The following BRINP3 variants were observed in gnomAD, a reference collection of about 807,000 sequenced individuals.
The protein encoded by BRINP3 is BMP/retinoic acid inducible neural specific 3.
Under a neutral mutation model 71.0 loss-of-function variants are expected in BRINP3, and 19 were observed. The observed-to-expected ratio is 0.27, with a 90% CI of 0.19 to 0.39. BRINP3 has a LOEUF of 0.39. Among genes scored for constraint, BRINP3 ranks in the 10% least tolerant of loss-of-function variants. The pLI is 1.00. For missense variants in BRINP3, 959 were observed against 940.8 expected, an observed-to-expected ratio of 1.02 and a Z score of -0.25; for synonymous variants, 380 against 337.7, an observed-to-expected ratio of 1.13 and a Z score of -1.37.
At chr1:190,361,431 T>G (rs538435791) in intron 2 of BRINP3, among the ~76,000 whole-genome samples, 4 of 152,170 alleles carry the variant, frequency 2.6e-5, no homozygotes, top group Admixed American at 2.6e-4. Context: ...TTTGATGAAG[T>G]CTTGCTCTGT....
At chr1:190,294,405 A>T (rs1443225901) in intron 2 of BRINP3, among the ~76,000 whole-genome samples, 1 of 151,826 alleles carries the variant, frequency 6.6e-6, no homozygotes, top group Non-Finnish European at 1.5e-5. Flanking sequence ...GACTCCAGGC[A>T]TGTGTTACCA....
chr1:190,373,098 A>G (rs1343844902), intron 2 of BRINP3, among the ~76,000 whole-genome samples: 1 of 152,160 alleles, frequency 6.6e-6, no homozygotes, highest in Non-Finnish European at 1.5e-5. Flanking sequence ...TTAAAATTCA[A>G]CAATAATTAT....
intron 7 of BRINP3, 96 bp from the exon 8 acceptor site, chr1:190,099,230 A>G: frequency 8.2e-7 from 1 of 1,214,834 alleles, no homozygotes; most frequent in Non-Finnish European, 1.1e-6. Flanking sequence ...TCATTTCTTC[A>G]GGTCATCTCC....
At chr1:190,329,640 G>A (rs1666836706) in intron 2 of BRINP3, among the ~76,000 whole-genome samples, 1 of 151,794 alleles carries the variant, frequency 6.6e-6, no homozygotes, top group Non-Finnish European at 1.5e-5. Flanking sequence ...ACAGAATTAT[G>A]AAATCTATTC....
At chr1:190,188,339 AT>A (rs1014249878) in intron 6 of BRINP3, among the ~76,000 whole-genome samples, 1 of 152,104 alleles carries the variant, frequency 6.6e-6, no homozygotes, top group African/African-American at 2.4e-5. Flanking sequence ...TTCCTTTATA[AT>A]TTGGATACCT....
intron 7 of BRINP3, among the ~76,000 whole-genome samples, chr1:190,131,051 T>A (rs1360607268): frequency 6.6e-6 from 1 of 151,678 alleles, no homozygotes; most frequent in East Asian, 1.9e-4. Flanking sequence ...TCATTGTGAG[T>A]CTATTTGTTC....
intron 2 of BRINP3, among the ~76,000 whole-genome samples, chr1:190,371,314 T>A (rs559355657): frequency 1.3e-5 from 2 of 152,232 alleles, no homozygotes; most frequent in African/African-American, 4.8e-5. Flanking sequence ...TCAATTGTTA[T>A]GTACAAGTTT....
intron 3 of BRINP3, among the ~76,000 whole-genome samples, chr1:190,265,631 G>C (rs953329582): frequency 6.6e-6 from 1 of 150,898 alleles, no homozygotes; most frequent in Non-Finnish European, 1.5e-5. Context: ...GAAGAATGGC[G>C]TGAACCCGGG....
intron 4 of BRINP3, among the ~76,000 whole-genome samples, chr1:190,239,330 A>G (rs1340500748): frequency 6.6e-6 from 1 of 152,172 alleles, no homozygotes; most frequent in African/African-American, 2.4e-5. Flanking sequence ...CAGAATACTG[A>G]ACATGAACAA....
At chr1:190,231,225 G>C (rs927583738) in intron 5 of BRINP3, among the ~76,000 whole-genome samples, 1 of 151,490 alleles carries the variant, frequency 6.6e-6, no homozygotes, top group Admixed American at 6.6e-5. Flanking sequence ...ATTATTATCT[G>C]TCTTCATTTT....
intron 2 of BRINP3, among the ~76,000 whole-genome samples, chr1:190,307,425 CA>C (rs1175109596): frequency 6.6e-6 from 1 of 151,554 alleles, no homozygotes; most frequent in Non-Finnish European, 1.5e-5. Context: ...TGCACCACCA[CA>C]CCTGGCTAAT....
chr1:190,148,750 A>C (rs2102413949), intron 7 of BRINP3, among the ~76,000 whole-genome samples: 1 of 152,136 alleles, frequency 6.6e-6, no homozygotes, highest in South Asian at 2.1e-4. Flanking sequence ...TTTAGTTTTA[A>C]ATTTAGTAAT....
chr1:190,336,380 T>C (rs1667286334), intron 2 of BRINP3, among the ~76,000 whole-genome samples: 1 of 152,060 alleles, frequency 6.6e-6, no homozygotes, highest in South Asian at 2.1e-4. Flanking sequence ...TATAATAAAC[T>C]ATATATGAGT....
At chr1:190,287,083 C>T (rs559327742) in intron 2 of BRINP3, among the ~76,000 whole-genome samples, 36 of 151,518 alleles carry the variant, frequency 2.4e-4, no homozygotes, top group African/African-American at 6.1e-4. Context: ...AAAAAATAGC[C>T]GACTGTGGTG....
intron 2 of BRINP3, among the ~76,000 whole-genome samples, chr1:190,415,051 A>G (rs1323804857): frequency 2.0e-5 from 3 of 152,218 alleles, no homozygotes; most frequent in African/African-American, 7.2e-5. Context: ...TTATATACAT[A>G]AATTGCAGAG....
At chr1:190,148,850 A>G (rs1313115437) in intron 7 of BRINP3, among the ~76,000 whole-genome samples, 3 of 151,928 alleles carry the variant, frequency 2.0e-5, no homozygotes, top group African/African-American at 7.3e-5. Flanking sequence ...ACTTTCTCAA[A>G]CTTTTCAATG....
intron 1 of BRINP3, among the ~76,000 whole-genome samples, chr1:190,460,646 A>G (rs1250835888): frequency 6.6e-6 from 1 of 152,170 alleles, no homozygotes; most frequent in Non-Finnish European, 1.5e-5. Flanking sequence ...TCAGGAACTT[A>G]CCGGTTTAGG....
rs115103458 is a variant in BRINP3, at chr1:190,430,119, G to A, written c.236+24536C>T. 7.5e-3 allele frequency among the ~76,000 whole-genome samples: 1,137 copies of A among 152,148 alleles called. 8 individuals carry two copies. The highest frequency in any genetic ancestry group is 0.013 in the Non-Finnish European group (861 of 68,004). On this transcript the variant is annotated intron_variant, in intron 2 of 7. Transcript: ENST00000367462. ...CTCATCTGTTTTTCCCCATGAAGAC[G>A]TCAGCATTAATCACAAAATATAGAT...
chr1:190,330,232 T>C (rs1295163320), intron 2 of BRINP3, among the ~76,000 whole-genome samples: 6 of 151,974 alleles, frequency 3.9e-5, no homozygotes, highest in African/African-American at 1.4e-4. Context: ...TCAAGAACTA[T>C]GCATGCGACA....
Sources: allele counts gnomAD v4.1 joint callset (sites outside exome capture counted in the v4.1 genomes callset), GRCh38; gene constraint gnomAD v4.1.1; transcripts MANE v1.5; gene names NCBI Gene and HGNC (gene_info 2026-07-23, HGNC 2026-07-21).